ARHGAP20: variants seen among roughly 807,000 people sequenced by gnomAD.
ARHGAP20 encodes the protein rho GTPase-activating protein 20.
ARHGAP20 carries 34 observed loss-of-function variants against 73.7 expected under a neutral mutation model. The observed-to-expected ratio is 0.46, with a 90% confidence interval of 0.35 to 0.61. ARHGAP20 has a LOEUF of 0.61. ARHGAP20 is among the 20% of genes least tolerant of loss of function. The probability of loss-of-function intolerance (pLI) is 0.00; values close to 1 mark genes in which losing one functional copy is unlikely to be tolerated. For synonymous variants in ARHGAP20, 523 were observed against 518.2 expected, an observed-to-expected ratio of 1.01 and a Z score of -0.13; for missense variants, 1,314 against 1,420.9, an observed-to-expected ratio of 0.92 and a Z score of 1.21.
rs561857313 is a variant in ARHGAP20, at chr11:110,589,488, T to A, written c.1305+1160A>T. 1.2e-3 allele frequency: 1,229 copies of A among 985,490 alleles called. 1 individual carries two copies. Among genetic ancestry groups the A allele is most frequent in the Non-Finnish European group, 1.4e-3 (1,179 of 829,952 alleles). The allele number at this position is 985,490 out of a possible 1,614,324, so 61.0% of individuals were successfully genotyped here. ...CACCATATTTTCCTTAACTTGGTTT[T>A]CACGTTTCAGCCTGAGATACAGGCT... On this transcript the variant is annotated intron_variant, in intron 11 of 14. Coordinates refer to ENST00000683387, the MANE Select transcript of ARHGAP20 (RefSeq NM_001384657.1).
chr11:110,606,987 T>G (rs909825463), intron 8 of ARHGAP20, among the ~76,000 whole-genome samples: 1 of 152,142 alleles, frequency 6.6e-6, no homozygotes, highest in Admixed American at 6.6e-5. Flanking sequence ...AAAGATTATC[T>G]TGTTTGGAAT....
chr11:110,620,905 C>T, intron 4 of ARHGAP20, among the ~76,000 whole-genome samples: 1 of 150,696 alleles, frequency 6.6e-6, no homozygotes. Flanking sequence ...AACCCAGTTT[C>T]TACTAAAAAT....
intron 2 of ARHGAP20, among the ~76,000 whole-genome samples, chr11:110,640,800 G>T (rs1289781098): frequency 6.6e-6 from 1 of 151,964 alleles, no homozygotes; most frequent in African/African-American, 2.4e-5. Flanking sequence ...TATACCTAAT[G>T]TATATGACGA....
Position 110,659,008 on chromosome 11 carries a change from C to A in ARHGAP20, c.189-28216G>T, listed in dbSNP as rs533244821. ...AAGTCTTTGCTATTGTGAATAATGC[C>A]GCAATAAACATACGTGTGCATGTGT... On this transcript the variant is annotated intron_variant, in intron 2 of 14. Transcript: ENST00000683387. Among the ~76,000 whole-genome samples the A allele has an allele frequency of 2.6e-5, 4 of 151,902 alleles. No individual in the cohort carries two copies. The South Asian group carries it at 8.3e-4, about 32-fold the overall frequency.
chr11:110,688,610 A>G (rs1232652182), intron 2 of ARHGAP20, among the ~76,000 whole-genome samples: 1 of 152,194 alleles, frequency 6.6e-6, no homozygotes, highest in African/African-American at 2.4e-5. Context: ...CCCCTAAAAA[A>G]AAATACTGTC....
At chr11:110,627,033 A>T (rs1486478677) in intron 3 of ARHGAP20, among the ~76,000 whole-genome samples, 1 of 152,162 alleles carries the variant, frequency 6.6e-6, no homozygotes, top group East Asian at 1.9e-4. Context: ...GTATTATGAC[A>T]ACAGGAATTA....
At chr11:110,677,984 A>G (rs895573019) in intron 2 of ARHGAP20, among the ~76,000 whole-genome samples, 4 of 152,248 alleles carry the variant, frequency 2.6e-5, no homozygotes, top group African/African-American at 9.6e-5. Context: ...ATGTCCATCA[A>G]TTAATGAATG....
chr11:110,701,537 G>T (rs1290056050), intron 1 of ARHGAP20, among the ~76,000 whole-genome samples: 1 of 150,364 alleles, frequency 6.7e-6, no homozygotes, highest in East Asian at 1.9e-4. Context: ...TAGGTTGCCT[G>T]TTCACTCTGA....
At chr11:110,657,579 G>A (rs935425090) in intron 2 of ARHGAP20, among the ~76,000 whole-genome samples, 6 of 152,204 alleles carry the variant, frequency 3.9e-5, no homozygotes, top group Middle Eastern at 3.4e-3. Context: ...CAAGGTAAAG[G>A]GAGGCAAACA....
chr11:110,674,917 C>T (rs1351574372), intron 2 of ARHGAP20, among the ~76,000 whole-genome samples: 2 of 152,076 alleles, frequency 1.3e-5, no homozygotes, highest in South Asian at 2.1e-4. Context: ...TTACATATAT[C>T]ATCTCATCTT....
chr11:110,588,419 T>C (rs12574845), intron 11 of ARHGAP20, among the ~76,000 whole-genome samples: 71,475 of 152,090 alleles, frequency 0.47, 18,542 homozygotes, highest in Middle Eastern at 0.63. Flanking sequence ...CTTAAACTTA[T>C]ATTTAAGCAA....
At chr11:110,705,342 A>G (rs1305760312) in intron 1 of ARHGAP20, among the ~76,000 whole-genome samples, 2 of 152,118 alleles carry the variant, frequency 1.3e-5, no homozygotes, top group African/African-American at 4.8e-5. Context: ...GCCAAATCAT[A>G]ACCTGGGAGA....
chr11:110,635,198 T>C (rs1428050299), intron 2 of ARHGAP20, among the ~76,000 whole-genome samples: 1 of 152,112 alleles, frequency 6.6e-6, no homozygotes, highest in East Asian at 1.9e-4. Flanking sequence ...TCTGAATTAA[T>C]CCCCAGTGGT....
At chr11:110,701,788 G>A (rs1405658728) in intron 1 of ARHGAP20, among the ~76,000 whole-genome samples, 2 of 151,958 alleles carry the variant, frequency 1.3e-5, no homozygotes, top group Non-Finnish European at 2.9e-5. Flanking sequence ...TCCAGTTTCA[G>A]CTTTCTACAT....
chr11:110,606,866 T>G, intron 8 of ARHGAP20, 117 bp from the exon 9 acceptor site: 1 of 877,128 alleles, frequency 1.1e-6, no homozygotes, highest in Admixed American at 3.2e-5. Flanking sequence ...AAAGAATCCC[T>G]TTGTTTGACA....
At chr11:110,589,235 T>G (rs1052115910) in intron 11 of ARHGAP20, among the ~76,000 whole-genome samples, 1 of 152,222 alleles carries the variant, frequency 6.6e-6, no homozygotes, top group Non-Finnish European at 1.5e-5. Context: ...TTTATTGTGT[T>G]CCAGGATTGA....
intron 9 of ARHGAP20, 107 bp downstream of exon 9, chr11:110,606,454 C>T (rs905475328): frequency 2.5e-6 from 3 of 1,217,880 alleles, no homozygotes; most frequent in Non-Finnish European, 3.4e-6. Flanking sequence ...TTTCAAAATA[C>T]TTAGCAAATT....
At chr11:110,582,813 C>T (rs934415764) in intron 13 of ARHGAP20, among the ~76,000 whole-genome samples, 1 of 152,202 alleles carries the variant, frequency 6.6e-6, no homozygotes, top group Non-Finnish European at 1.5e-5. Flanking sequence ...GAAGAGGGCT[C>T]ATCTGCGAGT....
chr11:110,626,940 T>C (rs1948756211), intron 3 of ARHGAP20, among the ~76,000 whole-genome samples: 2 of 152,280 alleles, frequency 1.3e-5, no homozygotes, highest in East Asian at 1.9e-4. Flanking sequence ...CCACTTTCAA[T>C]TTCCATAGTA....
Sources: gnomAD v4.1 joint callset for allele counts (sites outside exome capture counted in the v4.1 genomes callset) on GRCh38, gnomAD v4.1.1 for gene constraint, MANE v1.5 for transcripts, NCBI Gene and HGNC (gene_info 2026-07-23, HGNC 2026-07-21) for gene names.